The following FHOD3 variants were observed in gnomAD, a reference collection of about 807,000 sequenced individuals.
FHOD3 encodes FH1/FH2 domain-containing protein 3.
FHOD3 carries 90 observed loss-of-function variants against 173.0 expected under a neutral mutation model. The ratio of observed to expected loss-of-function variants is 0.52; its 90% CI spans 0.44 to 0.62. The LOEUF is 0.62. FHOD3 is among the 20% of genes least tolerant of loss of function. FHOD3 has a pLI of 0.00. For missense variants in FHOD3, 1,945 were observed against 2,034.7 expected, an observed-to-expected ratio of 0.96 and a Z score of 0.85; for synonymous variants, 828 against 823.0, an observed-to-expected ratio of 1.01 and a Z score of -0.10.
chr18:36,735,670 G>A (rs1425663184), intron 20 of FHOD3, among the ~76,000 whole-genome samples: 3 of 152,088 alleles, frequency 2.0e-5, no homozygotes, highest in Non-Finnish European at 4.4e-5. Flanking sequence ...CTACAGGAAA[G>A]TAACTACCTG....
At chr18:36,773,887 T>C (rs1011105812) in intron 28 of FHOD3, among the ~76,000 whole-genome samples, 1 of 152,226 alleles carries the variant, frequency 6.6e-6, no homozygotes, top group African/African-American at 2.4e-5. Context: ...AAAGGCTGCA[T>C]TGTCAGCATA....
chr18:36,396,869 G>T (rs1203406802), intron 3 of FHOD3, among the ~76,000 whole-genome samples: 1 of 127,850 alleles, frequency 7.8e-6, no homozygotes, highest in Admixed American at 7.6e-5. Context: ...CAGGAGGCTT[G>T]GTTCACATTT....
In FHOD3 at chr18:36,740,690, A is replaced by G. The variant is rs1459567596; in HGVS notation, c.3611A>G (p.Lys1204Arg). ...ACGATGATTCCCACCGATGAGGAGA[A>G]GCAGAAAATCCAGGAAGCTCAGCTG... is the stretch of plus-strand genomic sequence containing the variant. ...ILTMIPTDEE[K>R]QKIQEAQLAN... The change falls in exon 21 of 29, where the codon AAG becomes AGG. Residue 1204 changes from lysine to arginine, a missense_variant. Around this residue, in one of 5 missense-constraint regions of FHOD3, gnomAD observed 231 missense variants for 321.9 expected, o/e 0.72. Transcript: ENST00000590592. The G allele has an allele frequency of 6.2e-7, 1 of 1,614,026 alleles. No individual in the cohort carries two copies. The highest frequency in any genetic ancestry group is 2.2e-5 in the East Asian group (1 of 44,892).
rs1418440548 is a variant in FHOD3 at position 36,361,077 on chromosome 18, TC to T, written c.272+5433del. Among the ~76,000 whole-genome samples, 11 of 152,208 alleles carry T rather than the reference TC, an allele frequency of 7.2e-5. No homozygotes were observed. In the South Asian group the frequency reaches 1.5e-3, roughly 20 times the overall value. On this transcript the variant is annotated intron_variant, in intron 2 of 28. Coordinates refer to ENST00000590592, the MANE Select transcript of FHOD3 (RefSeq NM_001281740.3). ...AGACGTTCCCTGATTTTTTTTTTCCTCTTAAGGTAGTTATCCTGAGTGGAGG... is the reference window on the plus strand; with the variant it reads ...AGACGTTCCCTGATTTTTTTTTTCCTTTAAGGTAGTTATCCTGAGTGGAGG...
intron 3 of FHOD3, among the ~76,000 whole-genome samples, chr18:36,387,854 CTCCTGCTTGCCAGTGAGACTGTGT>C (rs902957977): frequency 6.6e-6 from 1 of 152,028 alleles, no homozygotes; most frequent in African/African-American, 2.4e-5. Flanking sequence ...GATGTGTCTA[CTCCTGCTTGCCAGTGAGACTGTGT>C]GACCATTACA....
At chr18:36,672,389 G>A (rs2037588164) in intron 14 of FHOD3, among the ~76,000 whole-genome samples, 1 of 152,134 alleles carries the variant, frequency 6.6e-6, no homozygotes, top group Non-Finnish European at 1.5e-5. Context: ...TCTGAGCCGG[G>A]TTAACTTGTG....
chr18:36,368,801 C>A (rs1339382807), intron 2 of FHOD3, among the ~76,000 whole-genome samples: 1 of 152,032 alleles, frequency 6.6e-6, no homozygotes, highest in African/African-American at 2.4e-5. Flanking sequence ...AGTGAGAAAG[C>A]AAAGTGGGAA....
At chr18:36,335,425 G>A (rs1259238391) in intron 1 of FHOD3, among the ~76,000 whole-genome samples, 2 of 150,902 alleles carry the variant, frequency 1.3e-5, no homozygotes, top group Non-Finnish European at 2.9e-5. Flanking sequence ...AACCCGGGAG[G>A]CAGAGCTTGC....
At chr18:36,539,678 C>A (rs1293870708) in intron 5 of FHOD3, among the ~76,000 whole-genome samples, 1 of 152,148 alleles carries the variant, frequency 6.6e-6, no homozygotes, top group Non-Finnish European at 1.5e-5. Flanking sequence ...TGACAAAACC[C>A]TGTTTGGGGC....
chr18:36,394,876 T>A (rs981693413), intron 3 of FHOD3, among the ~76,000 whole-genome samples: 1 of 152,228 alleles, frequency 6.6e-6, no homozygotes, highest in Non-Finnish European at 1.5e-5. Flanking sequence ...AGATACGTGT[T>A]GTATACATGT....
At chr18:36,747,317 A>G (rs911947409) in intron 24 of FHOD3, among the ~76,000 whole-genome samples, 182 bp downstream of exon 24, 1 of 152,334 alleles carries the variant, frequency 6.6e-6, no homozygotes, top group East Asian at 1.9e-4. Context: ...TTACACAATA[A>G]TATAATGCCA....
At chr18:36,776,912 G>T (rs1170300038) in intron 28 of FHOD3, among the ~76,000 whole-genome samples, 1 of 152,212 alleles carries the variant, frequency 6.6e-6, no homozygotes, top group Non-Finnish European at 1.5e-5. Flanking sequence ...GCTATTAAAA[G>T]ATTGTTACAT....
At chr18:36,672,765 A>G (rs961024065) in intron 14 of FHOD3, among the ~76,000 whole-genome samples, 36 of 152,358 alleles carry the variant, frequency 2.4e-4, no homozygotes, top group African/African-American at 7.5e-4. Context: ...TTATTGTGCA[A>G]TAAACAAATA....
chr18:36,578,285 T>A (rs1006709880), intron 6 of FHOD3, among the ~76,000 whole-genome samples: 1 of 152,106 alleles, frequency 6.6e-6, no homozygotes, highest in African/African-American at 2.4e-5. Flanking sequence ...CAAAGGCACA[T>A]CTTACATGGT....
chr18:36,737,308 T>G (rs1474188831), intron 20 of FHOD3, among the ~76,000 whole-genome samples: 1 of 152,242 alleles, frequency 6.6e-6, no homozygotes, highest in Non-Finnish European at 1.5e-5. Flanking sequence ...TTTTTCATTT[T>G]GGAATTTTGG....
chr18:36,454,897 G>A (rs1221737739), intron 3 of FHOD3, among the ~76,000 whole-genome samples: 1 of 152,108 alleles, frequency 6.6e-6, no homozygotes, highest in African/African-American at 2.4e-5. Flanking sequence ...TGAGCCCTTT[G>A]GAGGTCTGCA....
intron 10 of FHOD3, among the ~76,000 whole-genome samples, chr18:36,632,358 G>C (rs1204437041): frequency 6.6e-6 from 1 of 152,140 alleles, no homozygotes; most frequent in African/African-American, 2.4e-5. Flanking sequence ...CCTTTTCTTA[G>C]TGTTGCCTGT....
At chr18:36,525,092 A>G (rs2056453090) in intron 5 of FHOD3, among the ~76,000 whole-genome samples, 1 of 152,134 alleles carries the variant, frequency 6.6e-6, no homozygotes, top group South Asian at 2.1e-4. Context: ...CCTCCCCTTG[A>G]GTTTAGGCCA....
chr18:36,371,414 A>G (rs1169678786), intron 2 of FHOD3, among the ~76,000 whole-genome samples: 1 of 152,208 alleles, frequency 6.6e-6, no homozygotes, highest in Non-Finnish European at 1.5e-5. Flanking sequence ...CACATCTTAC[A>G]TGGTGGCAGG....
Sources: gnomAD v4.1 joint callset for allele counts (sites outside exome capture counted in the v4.1 genomes callset) on GRCh38, gnomAD v4.1.1 for gene constraint, gnomAD v4.1.1 regional missense constraint, MANE v1.5 for transcripts, NCBI Gene and HGNC (gene_info 2026-07-23, HGNC 2026-07-21) for gene names.